The following GABRA2 variants were observed in gnomAD, a reference collection of about 807,000 sequenced individuals.
GABRA2 encodes gamma-aminobutyric acid type A receptor subunit alpha2, also known as gamma-aminobutyric acid receptor subunit alpha-2.
GABRA2 carries 16 observed loss-of-function variants against 48.7 expected under a neutral mutation model. The observed-to-expected ratio is 0.33, with a 90% CI of 0.22 to 0.50. GABRA2 has a LOEUF of 0.50. Among genes scored for constraint, GABRA2 ranks in the 20% least tolerant of loss-of-function variants. The probability of loss-of-function intolerance (pLI) is 0.98; values close to 1 mark genes in which losing one functional copy is unlikely to be tolerated. For synonymous variants in GABRA2, 185 were observed against 184.5 expected, an observed-to-expected ratio of 1.00 and a Z score of -0.02; for missense variants, 275 against 535.6, an observed-to-expected ratio of 0.51 and a Z score of 4.80.
intron 8 of GABRA2, among the ~76,000 whole-genome samples, chr4:46,291,890 A>G (rs1560485716): frequency 1.3e-5 from 2 of 151,872 alleles, no homozygotes; most frequent in Non-Finnish European, 2.9e-5. Flanking sequence ...GAGTGTTTAC[A>G]GAGAAATAGA....
chr4:46,389,818 A>AGAGAGAGAGG lies in GABRA2; in HGVS notation c.-95_-94insCCTCTCTCTC. The AGAGAGAGAGG allele has an allele frequency of 1.2e-6, 1 of 841,580 alleles. No individual in the cohort carries two copies. The highest frequency in any genetic ancestry group is 8.9e-5 in the Admixed American group (1 of 11,214). The allele number at this position is 841,580 out of a possible 1,614,324, so 52.1% of individuals were successfully genotyped here. On this transcript the variant is annotated 5_prime_UTR_variant, in exon 1 of 10. Transcript: ENST00000381620. ...GGAAACTTGGGAGAGAGAGAGAGAG[A>AGAGAGAGAGG]GAGAGAGAGAGAGAGAGAGAGAGAG...
At chr4:46,338,720 T>C (rs927904317) in intron 3 of GABRA2, among the ~76,000 whole-genome samples, 1 of 151,924 alleles carries the variant, frequency 6.6e-6, no homozygotes, top group Non-Finnish European at 1.5e-5. Flanking sequence ...AAAAAGATTA[T>C]TTCCTCTCTG....
intron 3 of GABRA2, among the ~76,000 whole-genome samples, chr4:46,369,792 T>A (rs922992785): frequency 3.3e-5 from 5 of 152,054 alleles, no homozygotes; most frequent in Non-Finnish European, 7.4e-5. Context: ...AACTGCATGT[T>A]AGAGTTATAT....
At chr4:46,296,899 A>G (rs1426126097) in intron 8 of GABRA2, among the ~76,000 whole-genome samples, 1 of 152,280 alleles carries the variant, frequency 6.6e-6, no homozygotes, top group East Asian at 1.9e-4. Flanking sequence ...ATGCTGTACA[A>G]GATTTATTGA....
rs889064929 is a variant in GABRA2 at position 46,262,956 on chromosome 4, AAG to A, written c.857-830_857-829del. 2.7e-3 allele frequency among the ~76,000 whole-genome samples: 84 copies of A among 30,848 alleles called. No homozygotes were observed. In the South Asian group the frequency reaches 0.054, roughly 20 times the overall value. 20.2% of individuals were successfully genotyped at this position (30,848 alleles called of 152,430 possible). ...GAAAGAAGAAAGAAAGAAAGAAAGA[AAG>A]AGAGAGAGAGAGAGAGAGAGGGAGG... is the stretch of plus-strand genomic sequence containing the variant. On this transcript the variant is annotated intron_variant, in intron 8 of 9. Transcript: ENST00000381620.
intron 3 of GABRA2, among the ~76,000 whole-genome samples, chr4:46,377,054 T>A (rs898209801): frequency 2.0e-5 from 3 of 152,130 alleles, no homozygotes; most frequent in African/African-American, 7.2e-5. Flanking sequence ...GTGCCCAGGC[T>A]GGAGTGCAGT....
chr4:46,389,315 G>A, intron 1 of GABRA2: 1 of 985,334 alleles, frequency 1.0e-6, no homozygotes, highest in Non-Finnish European at 1.2e-6. Context: ...GCCCACCCAC[G>A]GTTGCCCAAG....
In GABRA2 at chr4:46,357,893, C is replaced by T. The variant is rs1226806366; in HGVS notation, c.188-25211G>A. 3.3e-5 allele frequency among the ~76,000 whole-genome samples: 5 copies of T among 152,010 alleles called. 1 individual carries two copies. Among genetic ancestry groups the T allele is most frequent in the East Asian group, 1.9e-4 (1 of 5,130 alleles). ...CAGGATGGTCTCAATCTCTTGACTT[C>T]GTGATCCACCCACCTCTGCCTCCTA... On this transcript the variant is annotated intron_variant, in intron 3 of 9. Coordinates refer to ENST00000381620, the MANE Select transcript of GABRA2 (RefSeq NM_000807.4).
chr4:46,295,237 G>T (rs923571340), intron 8 of GABRA2, among the ~76,000 whole-genome samples: 1 of 152,188 alleles, frequency 6.6e-6, no homozygotes, highest in Non-Finnish European at 1.5e-5. Flanking sequence ...TGTGCATCTG[G>T]TTGTGCACTT....
chr4:46,327,660 T>G (rs1389779319), intron 4 of GABRA2, among the ~76,000 whole-genome samples: 3 of 152,034 alleles, frequency 2.0e-5, no homozygotes. Context: ...CTAAACTTCC[T>G]TGATATTAAC....
chr4:46,324,483 G>A (rs540630519), intron 4 of GABRA2, among the ~76,000 whole-genome samples: 2 of 151,448 alleles, frequency 1.3e-5, no homozygotes, highest in African/African-American at 4.8e-5. Flanking sequence ...TGAAACCTAG[G>A]AAAAAAACAT....
At chr4:46,334,168 G>GTACC (rs1731823656) in intron 3 of GABRA2, among the ~76,000 whole-genome samples, 1 of 152,088 alleles carries the variant, frequency 6.6e-6, no homozygotes, top group African/African-American at 2.4e-5. Context: ...TGTATACAAA[G>GTACC]TACCATAGGA....
Position 46,310,227 on chromosome 4 carries a change from G to A in GABRA2, c.505C>T (p.His169Tyr). Residue 169 changes from histidine (H) to tyrosine (Y), a missense_variant, in exon 6 of 10, where the codon CAC (histidine) becomes TAC (tyrosine). Around this residue, in one of 4 missense-constraint regions of GABRA2, gnomAD observed 113 missense variants for 257.1 expected, o/e 0.44. Coordinates refer to ENST00000381620, the MANE Select transcript of GABRA2 (RefSeq NM_000807.4). ...GCATCCATTGGGAAATCCTCCAAGTGCATTGGGCATTCAGCTTGAACTGTA... is the reference window on the plus strand; with the variant it reads ...GCATCCATTGGGAAATCCTCCAAGTACATTGGGCATTCAGCTTGAACTGTA... Reference protein sequence around the residue: ...RLTVQAECPMHLEDFPMDAHS... With the variant: ...RLTVQAECPMYLEDFPMDAHS... 1 of 1,613,636 alleles carries A rather than the reference G, an allele frequency of 6.2e-7. No homozygotes were observed. The highest frequency in any genetic ancestry group is 8.5e-7 in the Non-Finnish European group (1 of 1,179,690).
chr4:46,338,939 T>C (rs279842), intron 3 of GABRA2, among the ~76,000 whole-genome samples: 58,240 of 151,676 alleles, frequency 0.38, 11,812 homozygotes, highest in East Asian at 0.56. Flanking sequence ...GCAGTTAAGA[T>C]GAGATGAAAG....
chr4:46,326,158 T>C (rs1234675960), intron 4 of GABRA2, among the ~76,000 whole-genome samples: 1 of 152,004 alleles, frequency 6.6e-6, no homozygotes, highest in Non-Finnish European at 1.5e-5. Context: ...ATTTAGTTTT[T>C]ACAAAAGAAT....
chr4:46,328,741 C>G (rs1011486427), intron 4 of GABRA2, among the ~76,000 whole-genome samples: 2 of 152,048 alleles, frequency 1.3e-5, no homozygotes, highest in Non-Finnish European at 2.9e-5. Flanking sequence ...AACTCGTCAT[C>G]TAGCATTAGG....
intron 3 of GABRA2, 124 bp downstream of exon 3, chr4:46,385,950 A>T: frequency 1.6e-6 from 1 of 618,410 alleles, no homozygotes; most frequent in Non-Finnish European, 2.8e-6. Context: ...CTTACTTTCT[A>T]TTTTCTATAA....
At chr4:46,299,109 A>T (rs1281464589) in intron 8 of GABRA2, among the ~76,000 whole-genome samples, 3 of 151,652 alleles carry the variant, frequency 2.0e-5, no homozygotes, top group African/African-American at 7.2e-5. Flanking sequence ...ATTCTGTAAT[A>T]AAATGGAATA....
intron 9 of GABRA2, among the ~76,000 whole-genome samples, chr4:46,258,771 C>T (rs1195771474): frequency 6.6e-6 from 1 of 151,606 alleles, no homozygotes; most frequent in East Asian, 1.9e-4. Flanking sequence ...TGGAGCATAA[C>T]AGTAAAAAAA....
Sources: allele counts gnomAD v4.1 joint callset (sites outside exome capture counted in the v4.1 genomes callset), GRCh38; gene constraint gnomAD v4.1.1; regional missense constraint gnomAD v4.1.1; transcripts MANE v1.5; gene names NCBI Gene and HGNC (gene_info 2026-07-23, HGNC 2026-07-21).